GIN1: variants seen among roughly 807,000 people sequenced by gnomAD.
GIN1 encodes the protein gypsy retrotransposon integrase 1.
GIN1 carries 41 observed loss-of-function variants against 51.4 expected under a neutral mutation model. The observed-to-expected ratio is 0.80, with a 90% confidence interval of 0.62 to 1.04. GIN1 has a LOEUF of 1.04. Among genes scored for constraint, GIN1 ranks in the 50% least tolerant of loss-of-function variants. The pLI, the probability that GIN1 is intolerant of heterozygous loss-of-function variation, is 0.00. For synonymous variants in GIN1, 222 were observed against 206.5 expected, an observed-to-expected ratio of 1.07 and a Z score of -0.64; for missense variants, 610 against 612.4, an observed-to-expected ratio of 1.00 and a Z score of 0.04.
At chr5:103,100,404 A>ATTT (rs369856357) in intron 4 of GIN1, among the ~76,000 whole-genome samples, 1 of 149,324 alleles carries the variant, frequency 6.7e-6, no homozygotes, top group African/African-American at 2.5e-5. Flanking sequence ...TATTATTATT[A>ATTT]TTTTTTTGAG....
chr5:103,090,590 C>G (rs1787211051), intron 7 of GIN1, among the ~76,000 whole-genome samples: 1 of 152,112 alleles, frequency 6.6e-6, no homozygotes, highest in Non-Finnish European at 1.5e-5. Context: ...TGGCAGTTAC[C>G]ATAGGCATTT....
rs1554196867 is a variant in GIN1 at position 103,111,038 on chromosome 5, ACTCC to A, written c.-7-2328_-7-2325del. Among the ~76,000 whole-genome samples, 251 of 151,952 alleles carry A rather than the reference ACTCC, an allele frequency of 1.7e-3. 1 individual carries two copies. Among genetic ancestry groups the A allele is most frequent in the African/African-American group, 5.8e-3 (240 of 41,432 alleles). On this transcript the variant is annotated intron_variant, in intron 1 of 7. Coordinates refer to ENST00000399004, the MANE Select transcript of GIN1 (RefSeq NM_017676.2). Reference sequence around the variant, plus strand: ...TCACTACACTCTCTCCTCTGCCAGGACTCCATGGCAAACTTTTACTTCCTAATCA... The same window carrying A: ...TCACTACACTCTCTCCTCTGCCAGGAATGGCAAACTTTTACTTCCTAATCA...
chr5:103,115,242 G>T (rs1334055259), intron 1 of GIN1, among the ~76,000 whole-genome samples: 3 of 152,098 alleles, frequency 2.0e-5, no homozygotes, highest in African/African-American at 7.2e-5. Flanking sequence ...CATGTTCATA[G>T]CCACATCACC....
intron 7 of GIN1, 49 bp from the exon 8 acceptor site, chr5:103,088,221 A>T (rs1233197123): frequency 3.6e-6 from 4 of 1,098,140 alleles, no homozygotes; most frequent in Admixed American, 2.8e-5. Flanking sequence ...ATAATTAAAC[A>T]TATTTTTTAA....
intron 1 of GIN1, among the ~76,000 whole-genome samples, chr5:103,115,373 A>T (rs115163192): frequency 1.3e-5 from 2 of 152,180 alleles, no homozygotes; most frequent in African/African-American, 4.8e-5. Flanking sequence ...ACGTTACCAC[A>T]TGGATGAATC....
At chr5:103,104,393 C>A in intron 4 of GIN1, 148 bp downstream of exon 4, 1 of 535,984 alleles carries the variant, frequency 1.9e-6, no homozygotes, top group South Asian at 2.9e-5. Context: ...TACAACTATC[C>A]TTGTAGTATT....
intron 1 of GIN1, among the ~76,000 whole-genome samples, chr5:103,119,298 G>A (rs989140053): frequency 6.6e-6 from 1 of 152,140 alleles, no homozygotes; most frequent in South Asian, 2.1e-4. Flanking sequence ...TCGGAATTCT[G>A]ACATTTGAAT....
chr5:103,097,461 T>C lies in GIN1; in HGVS notation c.861A>G (p.Gln287=), dbSNP rs571318747. 173 of 1,568,242 alleles carry C rather than the reference T, an allele frequency of 1.1e-4. 2 individuals carry two copies. The South Asian group carries it at 1.7e-3, about 16-fold the overall frequency. ...LEPTKNTPYF[Q]MFSRNPYMPE... ...GCATATAAGGATTTCGACTAAACATTTGAAAATATGGTGTATTTTTAGTAG... is the reference window on the plus strand; with the variant it reads ...GCATATAAGGATTTCGACTAAACATCTGAAAATATGGTGTATTTTTAGTAG... Residue 287 remains glutamine (Q), a synonymous_variant, in exon 6 of 8, where the codon CAA becomes CAG. Coordinates refer to ENST00000399004, the MANE Select transcript of GIN1 (RefSeq NM_017676.2).
intron 1 of GIN1, among the ~76,000 whole-genome samples, chr5:103,114,922 CTAGTGG>C (rs1391248106): frequency 6.6e-6 from 1 of 152,042 alleles, no homozygotes; most frequent in Non-Finnish European, 1.5e-5. Flanking sequence ...CATAATGTAG[CTAGTGG>C]TTTTGGCAAC....
chr5:103,113,811 C>G (rs1787950373), intron 1 of GIN1, among the ~76,000 whole-genome samples: 1 of 152,100 alleles, frequency 6.6e-6, no homozygotes, highest in Non-Finnish European at 1.5e-5. Flanking sequence ...TGTGAGCCAC[C>G]GCGCCCAGCC....
At chr5:103,099,102 G>A (rs782623720) in intron 4 of GIN1, among the ~76,000 whole-genome samples, 2 of 151,812 alleles carry the variant, frequency 1.3e-5, no homozygotes, top group African/African-American at 4.8e-5. Flanking sequence ...AACTAAATAG[G>A]CAAAGTTAAT....
At chr5:103,102,252 A>C (rs1787595755) in intron 4 of GIN1, 1 of 152,200 alleles carries the variant, frequency 6.6e-6, no homozygotes. Context: ...GCAAATTGTT[A>C]CCTGTTAATT....
intron 1 of GIN1, among the ~76,000 whole-genome samples, chr5:103,117,500 G>T (rs1788069623): frequency 6.6e-6 from 1 of 151,058 alleles, no homozygotes; most frequent in African/African-American, 2.4e-5. Flanking sequence ...TTTGATATTA[G>T]CACTGCAGAT....
intron 7 of GIN1, among the ~76,000 whole-genome samples, chr5:103,094,851 T>C (rs946526454): frequency 1.3e-5 from 2 of 152,218 alleles, no homozygotes; most frequent in Admixed American, 6.5e-5. Context: ...TGCAAGCTTT[T>C]ATCTTCTAAC....
intron 2 of GIN1, among the ~76,000 whole-genome samples, chr5:103,107,722 C>T (rs1787766240): frequency 6.6e-6 from 1 of 152,050 alleles, no homozygotes; most frequent in Non-Finnish European, 1.5e-5. Flanking sequence ...ACCCAGTTAA[C>T]ATTTGTTACA....
At chr5:103,094,060 T>C (rs1335932961) in intron 7 of GIN1, among the ~76,000 whole-genome samples, 6 of 152,178 alleles carry the variant, frequency 3.9e-5, no homozygotes, top group Non-Finnish European at 7.4e-5. Context: ...AATAAATTTA[T>C]AGTTCTTTTG....
At chr5:103,119,235 C>G (rs536653368) in intron 1 of GIN1, among the ~76,000 whole-genome samples, 2 of 152,184 alleles carry the variant, frequency 1.3e-5, no homozygotes, top group South Asian at 4.1e-4. Context: ...GGTTATAATA[C>G]CCGCTGGTTC....
Position 103,096,617 on chromosome 5 carries a change from GTC to G in GIN1, c.1216_1217del (p.Asp406GlnfsTer5). On this transcript the variant is annotated frameshift_variant, in exon 7 of 8. Transcript: ENST00000399004. LOFTEE classifies it high-confidence loss of function. ...GTCTTTTCAGTCTAACCCCAGTGTTGTCTCTCAGGACAGCACATCCACTTTCT... is the reference window on the plus strand; with the variant it reads ...GTCTTTTCAGTCTAACCCCAGTGTTGTCTCAGGACAGCACATCCACTTTCT... Reference protein sequence around the residue: ...ITESGCAVLRDNTGVRLKRPI... With the variant: ...ITESGCAVLRXNTGVRLKRPI... 1 of 1,613,318 alleles carries G rather than the reference GTC, an allele frequency of 6.2e-7. No homozygotes were observed. The highest frequency in any genetic ancestry group is 2.2e-5 in the East Asian group (1 of 44,864).
At chr5:103,112,954 G>A (rs1562336408) in intron 1 of GIN1, among the ~76,000 whole-genome samples, 1 of 152,064 alleles carries the variant, frequency 6.6e-6, no homozygotes, top group Admixed American at 6.6e-5. Context: ...ACAGTTTAGA[G>A]TGGTGTTTTA....
Sources: allele counts gnomAD v4.1 joint callset (sites outside exome capture counted in the v4.1 genomes callset), GRCh38; gene constraint gnomAD v4.1.1; transcripts MANE v1.5; gene names NCBI Gene and HGNC (gene_info 2026-07-23, HGNC 2026-07-21).